Variants in ABCA10 observed in about 807,000 individuals in gnomAD.
The protein encoded by ABCA10 is ATP-binding cassette sub-family A member 10.
ABCA10 carries 169 observed loss-of-function variants against 187.5 expected under a neutral mutation model. The observed-to-expected ratio is 0.90, with a 90% CI of 0.80 to 1.02. The LOEUF is 1.02. ABCA10 is among the 50% of genes least tolerant of loss of function. The pLI is 0.00. For synonymous variants in ABCA10, 574 were observed against 601.8 expected, an observed-to-expected ratio of 0.95 and a Z score of 0.68; for missense variants, 1,727 against 1,812.4, an observed-to-expected ratio of 0.95 and a Z score of 0.86.
At chr17:69,187,941 T>C in intron 18 of ABCA10, 62 bp from the exon 19 acceptor site, 1 of 1,486,528 alleles carries the variant, frequency 6.7e-7, no homozygotes, top group Non-Finnish European at 9.2e-7. Flanking sequence ...CTTTAAAAAC[T>C]TTGAAAATGA....
At chr17:69,219,400 C>T in intron 6 of ABCA10, 145 bp downstream of exon 6, 1 of 514,046 alleles carries the variant, frequency 1.9e-6, no homozygotes, top group Non-Finnish European at 3.3e-6. Context: ...CTTTCTACTG[C>T]AAGCATCTTA....
chr17:69,195,366 T>A (rs1184044273), intron 11 of ABCA10, among the ~76,000 whole-genome samples: 3 of 151,908 alleles, frequency 2.0e-5, no homozygotes, highest in Middle Eastern at 3.4e-3. Flanking sequence ...GTTGAAAAAA[T>A]ATTTTATATA....
At chr17:69,238,828 G>C (rs889077291) in intron 1 of ABCA10, among the ~76,000 whole-genome samples, 2 of 152,132 alleles carry the variant, frequency 1.3e-5, no homozygotes, top group African/African-American at 4.8e-5. Context: ...AACCAGAGAG[G>C]ACTCATGACC....
In ABCA10 at chr17:69,193,126, C is replaced by G; in HGVS notation, c.1764G>C (p.Glu588Asp). The G allele has an allele frequency of 6.2e-7, 1 of 1,608,472 alleles. No homozygotes were observed. The highest frequency in any genetic ancestry group is 8.5e-7 in the Non-Finnish European group (1 of 1,177,962). The change falls in exon 15 of 39, where the codon GAG becomes GAC. Residue 588 changes from glutamate to aspartate, a missense_variant. Transcript: ENST00000690296. ...AAGAATCACCAGCCAAGATGTCAGCCTCATCCATGAATTGGGTACTGAAGA... is the reference window on the plus strand; with the variant it reads ...AAGAATCACCAGCCAAGATGTCAGCGTCATCCATGAATTGGGTACTGAAGA... ...LILFSTQFMD[E>D]ADILADRKVF... is the part of the protein sequence containing the mutation.
chr17:69,162,371 T>C (rs2074223904), intron 27 of ABCA10, among the ~76,000 whole-genome samples: 1 of 152,236 alleles, frequency 6.6e-6, no homozygotes, highest in African/African-American at 2.4e-5. Context: ...CAACAGTTTT[T>C]TGGATGCTCA....
intron 9 of ABCA10, among the ~76,000 whole-genome samples, chr17:69,212,185 T>C (rs1254541380): frequency 6.6e-6 from 1 of 152,212 alleles, no homozygotes; most frequent in Non-Finnish European, 1.5e-5. Flanking sequence ...GTCACTATTA[T>C]CATTAGGTTG....
At chr17:69,223,812 T>G (rs1378144504) in intron 3 of ABCA10, 1 of 301,982 alleles carries the variant, frequency 3.3e-6, no homozygotes, top group African/African-American at 2.3e-5. Flanking sequence ...GGAGCTGTGG[T>G]TGGAACAGGC....
chr17:69,153,590 G>T, intron 32 of ABCA10, 44 bp from the exon 33 acceptor site: 1 of 1,605,452 alleles, frequency 6.2e-7, no homozygotes, highest in Non-Finnish European at 8.5e-7. Context: ...TATGGCAAAT[G>T]GACCTATCTA....
rs763558653 is a variant in ABCA10, at chr17:69,174,692, T to C, written c.2963A>G (p.Tyr988Cys). The C allele has an allele frequency of 6.2e-7, 1 of 1,612,046 alleles. No homozygotes were observed. Among genetic ancestry groups the C allele is most frequent in the Non-Finnish European group, 8.5e-7 (1 of 1,178,546 alleles). Residue 988 changes from tyrosine (Y) to cysteine (C), a missense_variant, in exon 24 of 39, where the codon TAC becomes TGC. By Grantham distance (194) the Tyr-to-Cys change is radical. Coordinates refer to ENST00000690296, the MANE Select transcript of ABCA10 (RefSeq NM_001377321.1). ...CGQALVDIPL[Y>C]FLILFSIHLI... is the part of the protein sequence containing the mutation. ...ATGTATTGAAAAGAGAATCAAGAAG[T>C]ATAATGGAATGTCCACCAGAGCCTG...
intron 22 of ABCA10, chr17:69,178,960 C>T (rs2074356903): frequency 6.6e-6 from 1 of 152,084 alleles, no homozygotes; most frequent in African/African-American, 2.4e-5. Context: ...ATCCAAATTG[C>T]TTCCTTGACA....
At chr17:69,184,871 G>GTGTACA (rs375695391) in intron 20 of ABCA10, among the ~76,000 whole-genome samples, 4 of 148,062 alleles carry the variant, frequency 2.7e-5, no homozygotes, top group African/African-American at 7.6e-5. Context: ...GTGTGTGTGT[G>GTGTACA]TATATATATA....
intron 22 of ABCA10, among the ~76,000 whole-genome samples, chr17:69,178,164 T>C (rs183673512): frequency 7.1e-4 from 107 of 151,366 alleles, no homozygotes; most frequent in Non-Finnish European, 1.2e-3. Context: ...AAGGAACAGA[T>C]GACACGTAGC....
intron 27 of ABCA10, among the ~76,000 whole-genome samples, 162 bp from the exon 28 acceptor site, chr17:69,157,085 T>C (rs1429578576): frequency 6.6e-6 from 1 of 152,134 alleles, no homozygotes; most frequent in Non-Finnish European, 1.5e-5. Flanking sequence ...ACTTCTCATG[T>C]GGAAGAAAGG....
intron 36 of ABCA10, 108 bp from the exon 37 acceptor site, chr17:69,150,171 G>T: frequency 1.3e-6 from 1 of 748,098 alleles, no homozygotes; most frequent in Non-Finnish European, 2.2e-6. Context: ...TTAAATAAGT[G>T]TCTGATTTGA....
intron 9 of ABCA10, among the ~76,000 whole-genome samples, chr17:69,202,792 T>C (rs1377326178): frequency 6.6e-6 from 1 of 151,992 alleles, no homozygotes; most frequent in African/African-American, 2.4e-5. Context: ...TCTATTAGAG[T>C]AGAGAATACA....
At chr17:69,176,283 A>G (rs998647328) in intron 22 of ABCA10, among the ~76,000 whole-genome samples, 1 of 152,098 alleles carries the variant, frequency 6.6e-6, no homozygotes, top group African/African-American at 2.4e-5. Flanking sequence ...GCAAGATACA[A>G]TTAGAAGAGA....
At chr17:69,220,786 C>A (rs1490652202) in intron 5 of ABCA10, among the ~76,000 whole-genome samples, 1 of 152,176 alleles carries the variant, frequency 6.6e-6, no homozygotes, top group Non-Finnish European at 1.5e-5. Flanking sequence ...CAGACCAAAT[C>A]TGACCCACCA....
rs149568652 is a variant in ABCA10 at position 69,222,592 on chromosome 17, C to T, written c.140G>A (p.Arg47His). The T allele has an allele frequency of 2.1e-5, 33 of 1,601,978 alleles. No homozygotes were observed. Among genetic ancestry groups the T allele is most frequent in the African/African-American group, 8.1e-5 (6 of 74,162 alleles). ...TCTATATCCCCAATTAAACTTCAGGCGATATGAGAAAGTATCACTAAATAT... is the reference window on the plus strand; with the variant it reads ...TCTATATCCCCAATTAAACTTCAGGTGATATGAGAAAGTATCACTAAATAT... Reference protein sequence around the residue: ...GVIFSDTFSYRLKFNWGYRIP... With the variant: ...GVIFSDTFSYHLKFNWGYRIP... Residue 47 changes from arginine to histidine, a missense_variant, in exon 4 of 39, where the codon CGC becomes CAC. Physicochemically the swap from Arg to His is conservative, Grantham distance 29 (BLOSUM62 0). Coordinates refer to ENST00000690296, the MANE Select transcript of ABCA10 (RefSeq NM_001377321.1).
chr17:69,240,498 C>T (rs997493369), intron 1 of ABCA10, among the ~76,000 whole-genome samples: 1 of 152,158 alleles, frequency 6.6e-6, no homozygotes, highest in African/African-American at 2.4e-5. Flanking sequence ...TCTATGGTCC[C>T]AGAATAGAGG....
Sources: gnomAD v4.1 joint callset for allele counts (sites outside exome capture counted in the v4.1 genomes callset) on GRCh38, gnomAD v4.1.1 for gene constraint, MANE v1.5 for transcripts, NCBI Gene and HGNC (gene_info 2026-07-23, HGNC 2026-07-21) for gene names.